LRRC4C: variants seen among roughly 807,000 people sequenced by gnomAD.
The protein encoded by LRRC4C is leucine-rich repeat-containing protein 4C.
Under a neutral mutation model 33.6 loss-of-function variants are expected in LRRC4C, and 5 were observed. The observed-to-expected ratio is 0.15, with a 90% CI of 0.08 to 0.31. The LOEUF (loss-of-function observed/expected upper bound fraction) is 0.31. Ranked by LOEUF, LRRC4C falls within the 10% of genes least tolerant of loss-of-function variation. The pLI, the probability that LRRC4C is intolerant of heterozygous loss-of-function variation, is 1.00. For missense variants in LRRC4C, 560 were observed against 796.7 expected (o/e 0.70, Z 3.58); for synonymous variants, 329 against 302.0 (o/e 1.09, Z -0.93).
intron 2 of LRRC4C, among the ~76,000 whole-genome samples, chr11:40,928,937 C>T (rs772011159): frequency 2.0e-5 from 3 of 152,104 alleles, no homozygotes; most frequent in Non-Finnish European, 4.4e-5. Context: ...CACTAAAATG[C>T]TGTGGAAACA....
At chr11:41,355,881 T>C (rs894418011) in intron 1 of LRRC4C, among the ~76,000 whole-genome samples, 2 of 152,116 alleles carry the variant, frequency 1.3e-5, no homozygotes, top group Non-Finnish European at 2.9e-5. Context: ...AAATATATTC[T>C]AATTAATATG....
In LRRC4C at chr11:41,261,519, G is replaced by GCT. The variant is rs1391346576; in HGVS notation, c.-496+197910_-496+197911dup. 2.0e-5 allele frequency among the ~76,000 whole-genome samples: 3 copies of GCT among 151,978 alleles called. No homozygotes were observed. In the South Asian group the frequency reaches 6.2e-4, roughly 31 times the overall value. On this transcript the variant is annotated intron_variant, in intron 1 of 6. Coordinates refer to ENST00000528697, the MANE Select transcript of LRRC4C (RefSeq NM_001258419.2). ...TTCCTCAATCTTCTTCCCCCATTTG[G>GCT]CTCACAGATAGGGTGAATATATAAT...
intron 1 of LRRC4C, among the ~76,000 whole-genome samples, chr11:41,020,657 G>A (rs1358688081): frequency 6.6e-6 from 1 of 152,128 alleles, no homozygotes; most frequent in Non-Finnish European, 1.5e-5. Context: ...CCAACTTCCA[G>A]CCTCCAGAAA....
At chr11:40,839,273 C>T (rs1227247379) in intron 2 of LRRC4C, among the ~76,000 whole-genome samples, 5 of 152,026 alleles carry the variant, frequency 3.3e-5, no homozygotes, top group Non-Finnish European at 7.4e-5. Context: ...CTCACTCTGT[C>T]GCCCAGGCTG....
rs180943736 is a variant in LRRC4C, at chr11:40,918,362, C to T, written c.-407+15273G>A. Among the ~76,000 whole-genome samples, 568 of 151,440 alleles carry T rather than the reference C, an allele frequency of 3.8e-3. 2 individuals carry two copies. Among genetic ancestry groups the T allele is most frequent in the Non-Finnish European group, 4.1e-3 (280 of 67,906 alleles). On this transcript the variant is annotated intron_variant, in intron 2 of 6. Transcript: ENST00000528697. The stretch of plus-strand genomic sequence containing the variant: ...TGCATTTAAAGAGAGAGTGGGATAC[C>T]TGCAAATGCATATTTATATATTTAT...
intron 1 of LRRC4C, among the ~76,000 whole-genome samples, chr11:41,320,295 G>A (rs1423870354): frequency 6.6e-6 from 1 of 152,124 alleles, no homozygotes; most frequent in African/African-American, 2.4e-5. Flanking sequence ...TTTAGCCGAT[G>A]GTAATCCACA....
At chr11:40,347,480 A>AT (rs967653835) in intron 3 of LRRC4C, among the ~76,000 whole-genome samples, 1 of 151,726 alleles carries the variant, frequency 6.6e-6, no homozygotes, top group East Asian at 1.9e-4. Flanking sequence ...TTTCTTCAGA[A>AT]TTTTTTTTCT....
At chr11:40,179,560 T>C (rs1370860167) in intron 5 of LRRC4C, among the ~76,000 whole-genome samples, 1 of 152,142 alleles carries the variant, frequency 6.6e-6, no homozygotes, top group East Asian at 1.9e-4. Context: ...AACATCACAG[T>C]GCACAGTAAG....
chr11:40,605,193 G>A (rs895483032), intron 3 of LRRC4C, among the ~76,000 whole-genome samples: 6 of 151,900 alleles, frequency 3.9e-5, no homozygotes, highest in African/African-American at 1.5e-4. Flanking sequence ...CATCAGCAAG[G>A]GAGGTGGGGG....
In LRRC4C at chr11:40,510,787, T is replaced by G. The variant is rs760203106; in HGVS notation, c.-270+137355A>C. On this transcript the variant is annotated intron_variant, in intron 3 of 6. Transcript: ENST00000528697. ...CAGGACTTTGAAGAGGAGTAGTATATAGAGAGTCTAGAGAGATGGCGAAAT... is the reference window on the plus strand; with the variant it reads ...CAGGACTTTGAAGAGGAGTAGTATAGAGAGAGTCTAGAGAGATGGCGAAAT... 1.1e-3 allele frequency among the ~76,000 whole-genome samples: 168 copies of G among 152,174 alleles called. 3 individuals are homozygous for G. Among genetic ancestry groups the G allele is most frequent in the Middle Eastern group, 3.4e-3 (1 of 294 alleles).
At chr11:40,778,181 G>GT (rs1429110419) in intron 2 of LRRC4C, among the ~76,000 whole-genome samples, 1 of 152,090 alleles carries the variant, frequency 6.6e-6, no homozygotes, top group Non-Finnish European at 1.5e-5. Flanking sequence ...ATTTTTTGTG[G>GT]TGACAGATAT....
intron 2 of LRRC4C, among the ~76,000 whole-genome samples, chr11:40,824,948 G>C (rs1008495027): frequency 6.6e-6 from 1 of 151,830 alleles, no homozygotes; most frequent in Admixed American, 6.6e-5. Context: ...GCTCTTTTAC[G>C]GTGAGTTGGT....
intron 2 of LRRC4C, among the ~76,000 whole-genome samples, chr11:40,790,235 T>G (rs1387604045): frequency 1.3e-5 from 2 of 152,186 alleles, no homozygotes; most frequent in Non-Finnish European, 2.9e-5. Context: ...AATTTCTCAT[T>G]TGAAGTTCTT....
intron 5 of LRRC4C, among the ~76,000 whole-genome samples, chr11:40,239,990 A>G (rs1865823057): frequency 6.6e-6 from 1 of 152,164 alleles, no homozygotes; most frequent in African/African-American, 2.4e-5. Flanking sequence ...ACCCCCAGAC[A>G]ACCTGAATCG....
At chr11:40,751,301 C>T (rs999760249) in intron 2 of LRRC4C, among the ~76,000 whole-genome samples, 2 of 152,000 alleles carry the variant, frequency 1.3e-5, no homozygotes, top group Admixed American at 6.6e-5. Flanking sequence ...CAGAAAGCAT[C>T]CAAATTGGAA....
intron 1 of LRRC4C, among the ~76,000 whole-genome samples, chr11:41,208,928 C>A (rs1168458201): frequency 6.6e-6 from 1 of 151,996 alleles, no homozygotes; most frequent in Non-Finnish European, 1.5e-5. Context: ...CCATGGAGAG[C>A]TGAGAAGGTG....
chr11:40,974,556 C>CCAT (rs147111657), intron 1 of LRRC4C, among the ~76,000 whole-genome samples: 1 of 152,284 alleles, frequency 6.6e-6, no homozygotes, highest in Non-Finnish European at 1.5e-5. Context: ...ATTTATCCTT[C>CCAT]CATCATAAAG....
intron 3 of LRRC4C, among the ~76,000 whole-genome samples, chr11:40,492,941 T>A (rs930652147): frequency 7.9e-5 from 12 of 152,218 alleles, no homozygotes; most frequent in African/African-American, 2.6e-4. Flanking sequence ...TACTATCACC[T>A]TTAATTCCCA....
At position 40,424,183 on chromosome 11, in the gene LRRC4C, A is replaced by G. The variant is rs369113826; in HGVS notation, c.-269-104462T>C. Among the ~76,000 whole-genome samples, 3 of 152,138 alleles carry G rather than the reference A, an allele frequency of 2.0e-5. No homozygotes were observed. The East Asian group carries it at 5.8e-4, about 29-fold the overall frequency. On this transcript the variant is annotated intron_variant, in intron 3 of 6. Transcript: ENST00000528697. ...AAATGGCCTTCATAAAAGTTGGGACATCTGCTCTGAGAAACCTGGAAATGC... is the reference window on the plus strand; with the variant it reads ...AAATGGCCTTCATAAAAGTTGGGACGTCTGCTCTGAGAAACCTGGAAATGC...
Sources: gnomAD v4.1 joint callset for allele counts (sites outside exome capture counted in the v4.1 genomes callset) on GRCh38, gnomAD v4.1.1 for gene constraint, MANE v1.5 for transcripts, NCBI Gene and HGNC (gene_info 2026-07-23, HGNC 2026-07-21) for gene names.